The following PXDN variants were observed in gnomAD, a reference collection of about 807,000 sequenced individuals.
PXDN encodes the protein peroxidasin homolog.
PXDN carries 77 observed loss-of-function variants against 140.3 expected under a neutral mutation model. The observed-to-expected ratio is 0.55, with a 90% CI of 0.46 to 0.66. PXDN has a LOEUF of 0.66. PXDN is among the 30% of genes least tolerant of loss of function. The pLI is 0.00. For synonymous variants in PXDN, 911 were observed against 857.4 expected (o/e 1.06, Z -1.09); for missense variants, 1,838 against 2,039.5 (o/e 0.90, Z 1.90).
At chr2:1,705,747 C>A (rs927963424) in intron 1 of PXDN, among the ~76,000 whole-genome samples, 1 of 150,704 alleles carries the variant, frequency 6.6e-6, no homozygotes, top group African/African-American at 2.4e-5. Context: ...GATGCAGGTG[C>A]GGCTGCCCAT....
rs572457831 is a variant in PXDN at position 1,723,541 on chromosome 2, TATGGATGAATGGACAG to T, written c.200+20699_200+20714del. ...ATAGAAGAATAGATGGTTGAGTTGT[TATGGATGAATGGACAG>T]ATGGATGGACTAATGAACGGATGGA... is the stretch of plus-strand genomic sequence containing the variant. On this transcript the variant is annotated intron_variant, in intron 1 of 22. Transcript: ENST00000252804. Among the ~76,000 whole-genome samples, 17 of 152,142 alleles carry T rather than the reference TATGGATGAATGGACAG, an allele frequency of 1.1e-4. No individual in the cohort carries two copies. The South Asian group carries it at 3.5e-3, about 32-fold the overall frequency.
At chr2:1,741,268 G>A (rs746403572) in intron 1 of PXDN, among the ~76,000 whole-genome samples, 1 of 152,164 alleles carries the variant, frequency 6.6e-6, no homozygotes, top group Non-Finnish European at 1.5e-5. Context: ...TACTAGCTTT[G>A]AACTACCATT....
rs369427494 is a variant in PXDN at position 1,683,090 on chromosome 2, C to T, written c.560+566G>A. Among the ~76,000 whole-genome samples the T allele has an allele frequency of 2.6e-4, 40 of 151,560 alleles. No individual in the cohort carries two copies. In the East Asian group the frequency reaches 6.7e-3, roughly 25 times the overall value. ...TGATGAATTTAAAGACGATTTAAATCGTCTTTAATGGCTGGGCATGGTGGC... is the reference window on the plus strand; with the variant it reads ...TGATGAATTTAAAGACGATTTAAATTGTCTTTAATGGCTGGGCATGGTGGC... On this transcript the variant is annotated intron_variant, in intron 6 of 22. Coordinates refer to ENST00000252804, the MANE Select transcript of PXDN (RefSeq NM_012293.3).
chr2:1,694,136 T>C (rs1684245485), intron 1 of PXDN, among the ~76,000 whole-genome samples: 1 of 152,256 alleles, frequency 6.6e-6, no homozygotes, highest in Non-Finnish European at 1.5e-5. Flanking sequence ...CCAATCTCTT[T>C]TAATATCGTC....
intron 13 of PXDN, 119 bp downstream of exon 13, chr2:1,661,953 G>C: frequency 3.6e-6 from 3 of 831,990 alleles, no homozygotes; most frequent in Non-Finnish European, 5.7e-6. Context: ...CCACAGCAGA[G>C]GGGAGGCTGG....
intron 6 of PXDN, among the ~76,000 whole-genome samples, chr2:1,681,009 C>T (rs1343562736): frequency 2.0e-5 from 3 of 152,174 alleles, no homozygotes; most frequent in African/African-American, 7.2e-5. Flanking sequence ...TCTCCGCACA[C>T]GGGGAAGAAG....
At chr2:1,680,887 A>G (rs539065408) in intron 6 of PXDN, among the ~76,000 whole-genome samples, 1 of 152,194 alleles carries the variant, frequency 6.6e-6, no homozygotes, top group South Asian at 2.1e-4. Context: ...TGGGGTTCAC[A>G]CCTAAGTTTC....
At chr2:1,634,384 C>G (rs1454501786) in intron 22 of PXDN, 61 bp from the exon 23 acceptor site, 4 of 1,512,740 alleles carry the variant, frequency 2.6e-6, no homozygotes, top group Non-Finnish European at 3.6e-6. Context: ...GTGAGCAAAG[C>G]CTGTCAGCTC....
intron 14 of PXDN, among the ~76,000 whole-genome samples, chr2:1,655,585 GT>G (rs1352220992): frequency 5.4e-5 from 8 of 148,624 alleles, no homozygotes; most frequent in African/African-American, 1.8e-4. Context: ...ACAGAAACCT[GT>G]CCCCTCCTGA....
At chr2:1,665,133 C>T (rs745632967) in intron 10 of PXDN, 59 bp from the exon 11 acceptor site, 62 of 1,300,450 alleles carry the variant, frequency 4.8e-5, no homozygotes, top group Non-Finnish European at 6.1e-5. Context: ...GGTAAAAACG[C>T]GACCAAGAAA....
chr2:1,676,559 T>C (rs1683721893), intron 8 of PXDN: 1 of 275,616 alleles, frequency 3.6e-6, no homozygotes, highest in Non-Finnish European at 7.1e-6. Context: ...ATGCCCCAGG[T>C]CAAGGCTGCC....
At chr2:1,725,839 A>G (rs895498867) in intron 1 of PXDN, among the ~76,000 whole-genome samples, 39 of 152,350 alleles carry the variant, frequency 2.6e-4, no homozygotes, top group Admixed American at 6.5e-4. Context: ...GTTCATCATC[A>G]CTGGCCATCA....
chr2:1,643,599 A>G, intron 18 of PXDN, 23 bp from the exon 19 acceptor site: 2 of 1,612,470 alleles, frequency 1.2e-6, no homozygotes, highest in Non-Finnish European at 1.7e-6. Flanking sequence ...AAATGAAAGC[A>G]GGATCAGAGA....
chr2:1,638,536 G>A (rs1354361543), intron 21 of PXDN, among the ~76,000 whole-genome samples: 1 of 152,158 alleles, frequency 6.6e-6, no homozygotes, highest in Non-Finnish European at 1.5e-5. Flanking sequence ...CTTCATGTCT[G>A]AACTCTCCTA....
At chr2:1,697,879 C>A (rs1182511022) in intron 1 of PXDN, among the ~76,000 whole-genome samples, 2 of 152,198 alleles carry the variant, frequency 1.3e-5, no homozygotes, top group African/African-American at 4.8e-5. Flanking sequence ...TCTGGCACGC[C>A]CTCTATGAAG....
rs1558494348 is a variant in PXDN at position 1,658,059 on chromosome 2, TC to T, written c.1837+2821del. ...CTCTCTCTCTCTCTCTCTCTCTCTC[TC>T]TCTCTCTCTCTCTCTCTCTCTCTCT... On this transcript the variant is annotated intron_variant, in intron 14 of 22. Coordinates refer to ENST00000252804, the MANE Select transcript of PXDN (RefSeq NM_012293.3). Among the ~76,000 whole-genome samples, 8 of 95,268 alleles carry T rather than the reference TC, an allele frequency of 8.4e-5. 2 individuals are homozygous for T. Among genetic ancestry groups the T allele is most frequent in the Non-Finnish European group, 1.2e-4 (5 of 43,056 alleles). 62.5% of individuals were successfully genotyped at this position (95,268 alleles called of 152,430 possible).
chr2:1,744,440 T>A lies in PXDN; in HGVS notation c.16A>T (p.Arg6Trp). ...AACAGGCAGCGGCGCCCGGGGCCCC[T>A]GGAGCGCTTGGCCATGGCCGACGGC... MAKRS[R>W]GPGRRCLLAL... Residue 6 changes from arginine to tryptophan, a missense_variant, in exon 1 of 23, where the codon AGG becomes TGG. Physicochemically the swap from Arg to Trp is moderately radical, Grantham distance 101 (BLOSUM62 -3). Around this residue, in one of 5 missense-constraint regions of PXDN, gnomAD observed 231 missense variants for 201.5 expected, o/e 1.15. Transcript: ENST00000252804. The A allele has an allele frequency of 6.7e-7, 1 of 1,495,988 alleles. No individual in the cohort carries two copies. The highest frequency in any genetic ancestry group is 2.3e-4 in the Middle Eastern group (1 of 4,260). 92.7% of individuals were successfully genotyped at this position (1,495,988 alleles called of 1,614,324 possible). A position where few individuals can be genotyped will look rare whatever the true frequency, so the allele number is the denominator to read the frequency against.
chr2:1,700,638 C>A (rs947350288), intron 1 of PXDN, among the ~76,000 whole-genome samples: 1 of 151,958 alleles, frequency 6.6e-6, no homozygotes, highest in Non-Finnish European at 1.5e-5. Flanking sequence ...CAGTGGGAGG[C>A]GGAGGTGGGT....
Position 1,706,182 on chromosome 2 carries a change from C to G in PXDN, c.201-13048G>C, listed in dbSNP as rs57722780. Among the ~76,000 whole-genome samples the G allele has an allele frequency of 9.3e-4, 142 of 152,244 alleles. 4 individuals are homozygous for G. The East Asian group carries it at 0.024, about 26-fold the overall frequency. On this transcript the variant is annotated intron_variant, in intron 1 of 22. Transcript: ENST00000252804. ...ACCTTCAGTGAGAGTTAGGAGCTCC[C>G]GGGTTATTCTATGAAATTGGGAGCT...
Sources: allele counts gnomAD v4.1 joint callset (sites outside exome capture counted in the v4.1 genomes callset), GRCh38; gene constraint gnomAD v4.1.1; regional missense constraint gnomAD v4.1.1; transcripts MANE v1.5; gene names NCBI Gene and HGNC (gene_info 2026-07-23, HGNC 2026-07-21).